The following INPP5B variants were observed in gnomAD, a reference collection of about 807,000 sequenced individuals.
The protein encoded by INPP5B is type II inositol 1,4,5-trisphosphate 5-phosphatase.
A neutral mutation model predicts 118.5 loss-of-function variants in INPP5B; 90 were observed. The ratio of observed to expected loss-of-function variants is 0.76; its 90% CI spans 0.64 to 0.90. The LOEUF is 0.90. INPP5B is among the 40% of genes least tolerant of loss of function. The probability of loss-of-function intolerance (pLI) is 0.00; values close to 1 mark genes in which losing one functional copy is unlikely to be tolerated. For synonymous variants in INPP5B, 385 were observed against 418.9 expected, an observed-to-expected ratio of 0.92 and a Z score of 0.99; for missense variants, 984 against 1,125.6, an observed-to-expected ratio of 0.87 and a Z score of 1.80.
At chr1:37,898,447 G>C (rs1488478262) in intron 7 of INPP5B, among the ~76,000 whole-genome samples, 1 of 152,186 alleles carries the variant, frequency 6.6e-6, no homozygotes. Flanking sequence ...TGTAATCCCA[G>C]CACTTTGGGA....
rs376569596 is a variant in INPP5B, at chr1:37,939,263, C to T, written c.391+1425G>A. Reference sequence around the variant, plus strand: ...CCTGTAATCCCACCTATTCAGGAGGCTGAGGCAGGAGAATTGCTTGAACCG... The same window carrying T: ...CCTGTAATCCCACCTATTCAGGAGGTTGAGGCAGGAGAATTGCTTGAACCG... On this transcript the variant is annotated intron_variant, in intron 6 of 23. Transcript: ENST00000373024. Among the ~76,000 whole-genome samples the T allele has an allele frequency of 1.7e-4, 25 of 150,908 alleles. No homozygotes were observed. The East Asian group carries it at 3.6e-3, about 22-fold the overall frequency.
intron 6 of INPP5B, among the ~76,000 whole-genome samples, chr1:37,938,218 G>A (rs1277097746): frequency 3.3e-5 from 5 of 151,706 alleles, no homozygotes; most frequent in Middle Eastern, 3.4e-3. Context: ...GCAATGAGCC[G>A]AGATTGCGCC....
intron 15 of INPP5B, among the ~76,000 whole-genome samples, chr1:37,879,373 T>C (rs572199540): frequency 9.2e-5 from 14 of 152,058 alleles, no homozygotes; most frequent in African/African-American, 3.4e-4. Flanking sequence ...CCTCTTTAAT[T>C]TTTCTATGCT....
At chr1:37,926,449 A>G (rs1645232802) in intron 7 of INPP5B, among the ~76,000 whole-genome samples, 1 of 152,080 alleles carries the variant, frequency 6.6e-6, no homozygotes, top group South Asian at 2.1e-4. Flanking sequence ...ACGCCCAGCT[A>G]ATTTTTTATA....
At chr1:37,900,752 C>T (rs1570199303) in intron 7 of INPP5B, among the ~76,000 whole-genome samples, 2 of 151,686 alleles carry the variant, frequency 1.3e-5, no homozygotes, top group South Asian at 4.2e-4. Flanking sequence ...CCTCAGCCTC[C>T]CGTGTAGCTG....
intron 7 of INPP5B, 90 bp downstream of exon 7, chr1:37,931,823 C>CCA: frequency 6.2e-7 from 1 of 1,609,868 alleles, no homozygotes; most frequent in Non-Finnish European, 8.5e-7. Context: ...CCTGTCTTCT[C>CCA]CATCGCTCCG....
intron 7 of INPP5B, among the ~76,000 whole-genome samples, chr1:37,915,314 C>T (rs574174634): frequency 9.8e-5 from 15 of 152,306 alleles, no homozygotes; most frequent in Admixed American, 2.6e-4. Flanking sequence ...TACATAACAA[C>T]CCCAGCAGGG....
intron 9 of INPP5B, 28 bp from the exon 10 acceptor site, chr1:37,888,372 C>A: frequency 1.5e-6 from 2 of 1,370,884 alleles, no homozygotes; most frequent in South Asian, 2.8e-5. Context: ...TAATTAGTGA[C>A]TCCGAATCAC....
At chr1:37,891,936 C>G (rs1212470931) in intron 7 of INPP5B, among the ~76,000 whole-genome samples, 1 of 152,162 alleles carries the variant, frequency 6.6e-6, no homozygotes. Context: ...AGACCATACA[C>G]AGAAGGAGAA....
rs2148432967 is a variant in INPP5B at position 37,861,744 on chromosome 1, A to C, written c.*571T>G. ...AAACTCCATCTCAAAAAAGAAAAAAAAAAAAAAAAGGCCGGGCGTGGTGGC... is the reference window on the plus strand; with the variant it reads ...AAACTCCATCTCAAAAAAGAAAAAACAAAAAAAAAGGCCGGGCGTGGTGGC... On this transcript the variant is annotated 3_prime_UTR_variant, in exon 24 of 24. Coordinates refer to ENST00000373024, the MANE Select transcript of INPP5B (RefSeq NM_005540.3). 1 of 151,826 alleles carries C rather than the reference A, an allele frequency of 6.6e-6. No homozygotes were observed. Among genetic ancestry groups the C allele is most frequent in the South Asian group, 2.1e-4 (1 of 4,812 alleles). 9.4% of individuals were successfully genotyped at this position (151,826 alleles called of 1,614,324 possible).
chr1:37,863,900 C>T lies in INPP5B; in HGVS notation c.2626+412G>A, dbSNP rs571642934. ...TGCGGTCTCGGGTCACTGCAGCCTC[C>T]GCCTCCCAGTTTCAAGCGATTCTCC... On this transcript the variant is annotated intron_variant, in intron 23 of 23. Coordinates refer to ENST00000373024, the MANE Select transcript of INPP5B (RefSeq NM_005540.3). Among the ~76,000 whole-genome samples, 242 of 150,914 alleles carry T rather than the reference C, an allele frequency of 1.6e-3. 1 individual carries two copies. The highest frequency in any genetic ancestry group is 2.6e-3 in the Non-Finnish European group (178 of 67,678).
intron 17 of INPP5B, among the ~76,000 whole-genome samples, chr1:37,874,727 C>T (rs1405443665): frequency 1.3e-5 from 2 of 152,110 alleles, no homozygotes; most frequent in South Asian, 2.1e-4. Context: ...ACCTAGGAGG[C>T]GGAGGTTGCA....
chr1:37,865,923 G>C, intron 21 of INPP5B, 35 bp from the exon 22 acceptor site: 1 of 1,606,412 alleles, frequency 6.2e-7, no homozygotes, highest in Non-Finnish European at 8.5e-7. Flanking sequence ...CGATAATGCT[G>C]CTGTCCATGG....
chr1:37,864,585 G>T, intron 22 of INPP5B, 162 bp from the exon 23 acceptor site: 1 of 491,628 alleles, frequency 2.0e-6, no homozygotes, highest in South Asian at 3.5e-5. Context: ...GAGAGGTACG[G>T]GTCAAATGCA....
At chr1:37,887,581 G>T (rs565933933) in intron 10 of INPP5B, 116 bp from the exon 11 acceptor site, 2 of 616,760 alleles carry the variant, frequency 3.2e-6, no homozygotes, top group South Asian at 4.1e-5. Flanking sequence ...AGGACCCTCA[G>T]GAGGAAAAAA....
intron 16 of INPP5B, among the ~76,000 whole-genome samples, chr1:37,876,206 T>A (rs1362246798): frequency 1.3e-5 from 2 of 151,128 alleles, no homozygotes; most frequent in Non-Finnish European, 2.9e-5. Flanking sequence ...TGGGTTCAAG[T>A]GATGCTCCTA....
intron 23 of INPP5B, 50 bp downstream of exon 23, chr1:37,864,262 C>T (rs761233443): frequency 2.0e-5 from 20 of 1,013,408 alleles, no homozygotes; most frequent in Middle Eastern, 4.1e-4. Flanking sequence ...TTTCTCATTA[C>T]GAGTCTCTCA....
intron 7 of INPP5B, among the ~76,000 whole-genome samples, chr1:37,894,387 T>C (rs1199656544): frequency 6.6e-6 from 1 of 152,148 alleles, no homozygotes; most frequent in Non-Finnish European, 1.5e-5. Context: ...TAGGTGTTTT[T>C]TCTTCCCAGT....
At chr1:37,906,233 C>G (rs1644497779) in intron 7 of INPP5B, among the ~76,000 whole-genome samples, 1 of 152,136 alleles carries the variant, frequency 6.6e-6, no homozygotes, top group African/African-American at 2.4e-5. Context: ...GGTTCTTGAC[C>G]TGTGGTAATT....
Sources: gnomAD v4.1 joint callset for allele counts (sites outside exome capture counted in the v4.1 genomes callset) on GRCh38, gnomAD v4.1.1 for gene constraint, MANE v1.5 for transcripts, NCBI Gene and HGNC (gene_info 2026-07-23, HGNC 2026-07-21) for gene names.